Variants in CHRDL1 observed in about 807,000 individuals in gnomAD.
CHRDL1 encodes chordin like 1.
In CHRDL1, 19 loss-of-function variants were observed where a neutral mutation model predicts 40.9. The ratio of observed to expected loss-of-function variants is 0.46; its 90% confidence interval spans 0.32 to 0.68. CHRDL1 has a LOEUF of 0.68. CHRDL1 is among the 30% of genes least tolerant of loss of function. The pLI is 0.03. For missense variants in CHRDL1, 329 were observed against 352.1 expected, an observed-to-expected ratio of 0.93 and a Z score of 0.53; for synonymous variants, 136 against 123.4, an observed-to-expected ratio of 1.10 and a Z score of -0.68.
chrX:110,750,440 G>A (rs750322108), intron 4 of CHRDL1, among the ~76,000 whole-genome samples: 3 of 110,764 alleles, frequency 2.7e-5, no homozygotes, highest in South Asian at 7.7e-4. Flanking sequence ...CTGGTTCAAG[G>A]GTCAGTCTGG....
At chrX:110,758,138 A>C (rs780385667) in intron 4 of CHRDL1, among the ~76,000 whole-genome samples, 19 of 110,080 alleles carry the variant, frequency 1.7e-4, no homozygotes, top group East Asian at 1.1e-3. Context: ...AACAAAAAAA[A>C]AAAAAACAAA....
At chrX:110,776,099 T>TTTTGGG (rs1233970402) in intron 2 of CHRDL1, among the ~76,000 whole-genome samples, 5 of 112,337 alleles carry the variant, frequency 4.5e-5, no homozygotes, top group African/African-American at 1.6e-4. Context: ...ATATCACTGC[T>TTTTGGG]ATTTTTATTT....
intron 2 of CHRDL1, among the ~76,000 whole-genome samples, chrX:110,768,034 G>A (rs958712607): frequency 2.7e-5 from 3 of 112,104 alleles, no homozygotes; most frequent in African/African-American, 9.7e-5. Context: ...CCGTTACAAT[G>A]ATAAAGGGAG....
chrX:110,768,604 T>C (rs2089703049), intron 2 of CHRDL1, among the ~76,000 whole-genome samples: 1 of 111,298 alleles, frequency 9.0e-6, no homozygotes, highest in Non-Finnish European at 1.9e-5. Context: ...CTGAGTCTTC[T>C]GGCCTTCATA....
intron 4 of CHRDL1, among the ~76,000 whole-genome samples, chrX:110,746,036 A>G (rs1031951989): frequency 8.9e-6 from 1 of 112,021 alleles, no homozygotes; most frequent in Non-Finnish European, 1.9e-5. Context: ...CTAAATGCCA[A>G]TGACATCCTC....
At chrX:110,747,783 T>C (rs2089285574) in intron 4 of CHRDL1, among the ~76,000 whole-genome samples, 1 of 112,456 alleles carries the variant, frequency 8.9e-6, no homozygotes, top group Non-Finnish European at 1.9e-5. Context: ...ATGCTGACTA[T>C]TGTGATAATC....
chrX:110,768,692 C>A (rs184964907), intron 2 of CHRDL1, among the ~76,000 whole-genome samples: 1 of 110,962 alleles, frequency 9.0e-6, no homozygotes, highest in Non-Finnish European at 1.9e-5. Flanking sequence ...TGGACTTATA[C>A]CAGTGGTTTG....
intron 11 of CHRDL1, among the ~76,000 whole-genome samples, chrX:110,677,686 C>A (rs2069807588): frequency 8.9e-6 from 1 of 111,818 alleles, no homozygotes; most frequent in African/African-American, 3.3e-5. Flanking sequence ...CTCATACTGT[C>A]CTGTTATTTT....
At chrX:110,770,740 G>A (rs1430329705) in intron 2 of CHRDL1, among the ~76,000 whole-genome samples, 1 of 109,743 alleles carries the variant, frequency 9.1e-6, no homozygotes, top group Non-Finnish European at 1.9e-5. Flanking sequence ...GGAACAATGT[G>A]AATAACTGTA....
chrX:110,682,547 C>G (rs2069923342), intron 9 of CHRDL1, among the ~76,000 whole-genome samples: 1 of 112,363 alleles, frequency 8.9e-6, no homozygotes, highest in South Asian at 3.7e-4. Context: ...GTACTTAAAG[C>G]ATACACTCAA....
intron 6 of CHRDL1, among the ~76,000 whole-genome samples, chrX:110,712,272 A>G (rs2070759321): frequency 8.9e-6 from 1 of 111,803 alleles, no homozygotes; most frequent in South Asian, 3.7e-4. Flanking sequence ...CTTCAACTGG[A>G]CCCTTGAAAG....
chrX:110,781,008 A>G (rs1218672574), intron 2 of CHRDL1, among the ~76,000 whole-genome samples: 2 of 109,737 alleles, frequency 1.8e-5, no homozygotes, highest in African/African-American at 6.6e-5. Flanking sequence ...TTAGCAATAC[A>G]TTTTTTTTTG....
intron 6 of CHRDL1, among the ~76,000 whole-genome samples, chrX:110,706,104 C>T (rs2070633136): frequency 9.0e-6 from 1 of 110,660 alleles, no homozygotes; most frequent in Non-Finnish European, 1.9e-5. Flanking sequence ...TAGGTATGTC[C>T]ATTTGCAACC....
intron 2 of CHRDL1, among the ~76,000 whole-genome samples, chrX:110,785,576 TAAAC>T (rs1184034273): frequency 3.6e-5 from 4 of 111,678 alleles, no homozygotes; most frequent in Non-Finnish European, 7.5e-5. Flanking sequence ...TATAAATAAA[TAAAC>T]AAACCCTGAT....
At chrX:110,783,729 G>A (rs867069185) in intron 2 of CHRDL1, among the ~76,000 whole-genome samples, 1 of 111,455 alleles carries the variant, frequency 9.0e-6, no homozygotes, top group East Asian at 2.8e-4. Context: ...CTCATTAGAG[G>A]TGGCTATCTC....
At chrX:110,730,121 G>A in intron 4 of CHRDL1, among the ~76,000 whole-genome samples, 1 of 112,017 alleles carries the variant, frequency 8.9e-6, no homozygotes, top group Non-Finnish European at 1.9e-5. Flanking sequence ...CAAAGTAGCA[G>A]TGACATTTAC....
intron 9 of CHRDL1, among the ~76,000 whole-genome samples, chrX:110,683,208 A>G (rs2069937694): frequency 8.9e-6 from 1 of 111,760 alleles, no homozygotes; most frequent in South Asian, 3.7e-4. Context: ...AGGGATCTAC[A>G]AACAACAAAA....
intron 3 of CHRDL1, among the ~76,000 whole-genome samples, chrX:110,761,667 C>A (rs952026966): frequency 8.9e-6 from 1 of 111,902 alleles, no homozygotes; most frequent in Non-Finnish European, 1.9e-5. Flanking sequence ...TACTGCTTAA[C>A]ATCCCACAAT....
chrX:110,718,003 T>A (rs1163159106), intron 6 of CHRDL1, among the ~76,000 whole-genome samples: 1 of 112,046 alleles, frequency 8.9e-6, no homozygotes, highest in Non-Finnish European at 1.9e-5. Flanking sequence ...TTCAAATTTG[T>A]CCACTTTTAA....
Sources: allele counts gnomAD v4.1 joint callset (sites outside exome capture counted in the v4.1 genomes callset), GRCh38; gene constraint gnomAD v4.1.1; transcripts MANE v1.5; gene names NCBI Gene and HGNC (gene_info 2026-07-23, HGNC 2026-07-21).